The following SLC2A13 variants were observed in gnomAD, a reference collection of about 807,000 sequenced individuals.
SLC2A13 encodes the protein proton myo-inositol cotransporter.
In SLC2A13, 32 loss-of-function variants were observed where a neutral mutation model predicts 64.4. That is an observed-to-expected ratio of 0.50 (90% CI 0.37 to 0.67). The LOEUF is 0.67. SLC2A13 is among the 30% of genes least tolerant of loss of function. The pLI, the probability that SLC2A13 is intolerant of heterozygous loss-of-function variation, is 0.00. For synonymous variants in SLC2A13, 338 were observed against 327.1 expected, an observed-to-expected ratio of 1.03 and a Z score of -0.36; for missense variants, 743 against 829.2, an observed-to-expected ratio of 0.90 and a Z score of 1.28.
intron 3 of SLC2A13, among the ~76,000 whole-genome samples, chr12:40,003,010 T>C (rs1041634976): frequency 1.1e-4 from 16 of 152,222 alleles, no homozygotes; most frequent in Non-Finnish European, 1.9e-4. Context: ...CTAGGCGTAT[T>C]GGTCACTGGC....
At chr12:40,099,923 T>C (rs1939089945) in intron 1 of SLC2A13, among the ~76,000 whole-genome samples, 1 of 151,782 alleles carries the variant, frequency 6.6e-6, no homozygotes, top group African/African-American at 2.4e-5. Context: ...TTTGAGCACC[T>C]CCCCCCAAAA....
At chr12:39,912,678 A>C (rs1332034210) in intron 4 of SLC2A13, among the ~76,000 whole-genome samples, 1 of 152,070 alleles carries the variant, frequency 6.6e-6, no homozygotes, top group Non-Finnish European at 1.5e-5. Flanking sequence ...GAACCTGTTC[A>C]GTGCCATCCA....
At position 39,827,726 on chromosome 12, in the gene SLC2A13, T is replaced by C. The variant is rs184507862; in HGVS notation, c.1445+2377A>G. On this transcript the variant is annotated intron_variant, in intron 7 of 9. Coordinates refer to ENST00000280871, the MANE Select transcript of SLC2A13 (RefSeq NM_052885.4). ...TCATTGAAATTTAACAACATAGATA[T>C]AGAAAACCATACTGATGGACCTTTG... 3.0e-4 allele frequency among the ~76,000 whole-genome samples: 46 copies of C among 152,256 alleles called. No homozygotes were observed. In the East Asian group the frequency reaches 5.0e-3, roughly 17 times the overall value.
intron 1 of SLC2A13, among the ~76,000 whole-genome samples, chr12:40,074,267 G>T (rs1248463509): frequency 6.6e-6 from 1 of 151,602 alleles, no homozygotes; most frequent in Admixed American, 6.6e-5. Flanking sequence ...CTGAGCTCAA[G>T]GGATCCTCCC....
chr12:39,956,038 A>T (rs1946309203), intron 3 of SLC2A13, among the ~76,000 whole-genome samples: 1 of 152,226 alleles, frequency 6.6e-6, no homozygotes, highest in African/African-American at 2.4e-5. Context: ...AATGACCAAT[A>T]TCAGGAGTAA....
intron 1 of SLC2A13, among the ~76,000 whole-genome samples, chr12:40,065,055 T>G (rs1319782759): frequency 6.6e-6 from 1 of 152,170 alleles, no homozygotes; most frequent in Non-Finnish European, 1.5e-5. Context: ...AAAGTTATAC[T>G]TATCTTGAAA....
intron 3 of SLC2A13, among the ~76,000 whole-genome samples, chr12:39,982,486 A>G (rs1383788263): frequency 6.6e-6 from 1 of 151,638 alleles, no homozygotes; most frequent in African/African-American, 2.4e-5. Context: ...AAGTCTCAGG[A>G]TACAAAATCA....
chr12:40,070,558 T>C (rs1270409706), intron 1 of SLC2A13, among the ~76,000 whole-genome samples: 1 of 151,932 alleles, frequency 6.6e-6, no homozygotes, highest in Non-Finnish European at 1.5e-5. Context: ...CTATCCCCAA[T>C]CAACTCAATA....
intron 6 of SLC2A13, among the ~76,000 whole-genome samples, chr12:39,837,216 G>C (rs887871153): frequency 6.6e-5 from 10 of 150,688 alleles, no homozygotes; most frequent in Non-Finnish European, 1.5e-4. Context: ...CTTTGAGAAA[G>C]CTGAGAAAAA....
Position 39,764,490 on chromosome 12 carries a change from A to G in SLC2A13, c.1690T>C (p.Leu564=), listed in dbSNP as rs1463984951. The G allele has an allele frequency of 6.2e-7, 1 of 1,605,752 alleles. No individual in the cohort carries two copies. Among genetic ancestry groups the G allele is most frequent in the Non-Finnish European group, 8.5e-7 (1 of 1,177,602 alleles). The change falls in exon 9 of 10, where the codon TTA becomes CTA. Residue 564 remains leucine, a synonymous_variant. Transcript: ENST00000280871. ...TATGTAAGATACTCTGCTGTGTGTA[A>G]AAATGTTAGTGAAACCAGGACATTG... is the stretch of plus-strand genomic sequence containing the variant. ...IFNVLVSLTF[L]HTAEYLTYYG...
intron 5 of SLC2A13, among the ~76,000 whole-genome samples, chr12:39,868,217 T>C (rs533519696): frequency 6.6e-6 from 1 of 152,324 alleles, no homozygotes; most frequent in East Asian, 1.9e-4. Flanking sequence ...GTTCTTTATG[T>C]TTCAAGAGAA....
chr12:39,777,070 A>G (rs1425938499), intron 7 of SLC2A13, among the ~76,000 whole-genome samples: 1 of 152,202 alleles, frequency 6.6e-6, no homozygotes, highest in African/African-American at 2.4e-5. Flanking sequence ...ATTTTCTGGA[A>G]TTCCTTTTGG....
intron 4 of SLC2A13, among the ~76,000 whole-genome samples, chr12:39,887,822 T>A (rs1398607270): frequency 6.6e-6 from 1 of 152,240 alleles, no homozygotes; most frequent in Non-Finnish European, 1.5e-5. Context: ...TGTTTATTCT[T>A]GTCATTGAAT....
chr12:40,105,816 G>T lies in SLC2A13; in HGVS notation c.-8C>A. Reference sequence around the variant, plus strand: ...GCTTGCCTTGCGGGACATAGGGCAGGGGCCCGGGGCTGCCCGGGGGGACGC... The same window carrying T: ...GCTTGCCTTGCGGGACATAGGGCAGTGGCCCGGGGCTGCCCGGGGGGACGC... On this transcript the variant is annotated 5_prime_UTR_variant, in exon 1 of 10. Coordinates refer to ENST00000280871, the MANE Select transcript of SLC2A13 (RefSeq NM_052885.4). This position sits in a 1 kb window ranked among gnomAD's most constrained non-coding sequence, Gnocchi z 4.2. 6.9e-7 allele frequency: 1 copy of T among 1,441,192 alleles called. No homozygotes were observed. The highest frequency in any genetic ancestry group is 1.4e-5 in the South Asian group (1 of 69,714). The allele number at this position is 1,441,192 out of a possible 1,614,324, so 89.3% of individuals were successfully genotyped here. A position where few individuals can be genotyped will look rare whatever the true frequency, so the allele number is the denominator to read the frequency against.
At chr12:39,828,840 T>G (rs534995743) in intron 7 of SLC2A13, among the ~76,000 whole-genome samples, 3 of 152,288 alleles carry the variant, frequency 2.0e-5, no homozygotes, top group African/African-American at 7.2e-5. Context: ...AAACTGAGTA[T>G]TTTTAAAAGA....
intron 3 of SLC2A13, among the ~76,000 whole-genome samples, chr12:40,012,130 A>C (rs1247833445): frequency 1.3e-5 from 2 of 152,234 alleles, no homozygotes; most frequent in African/African-American, 4.8e-5. Context: ...ATACTTAGCA[A>C]GAAATATTGT....
intron 4 of SLC2A13, among the ~76,000 whole-genome samples, chr12:39,880,901 T>C (rs1037810915): frequency 7.9e-5 from 12 of 152,182 alleles, no homozygotes; most frequent in Admixed American, 1.3e-4. Flanking sequence ...ATTTGCCACA[T>C]TGACCTATTA....
chr12:40,068,864 TA>T (rs1937847948), intron 1 of SLC2A13, among the ~76,000 whole-genome samples: 1 of 148,532 alleles, frequency 6.7e-6, no homozygotes, highest in African/African-American at 2.5e-5. Flanking sequence ...TGATGAGAGG[TA>T]AAAACAGCAG....
chr12:39,840,480 GTCTCTACTTGCCATT>G (rs975268329), intron 6 of SLC2A13, among the ~76,000 whole-genome samples: 1 of 151,936 alleles, frequency 6.6e-6, no homozygotes, highest in African/African-American at 2.4e-5. Context: ...CATCTTGCCT[GTCTCTACTTGCCATT>G]TCTCCATAGG....
Sources: gnomAD v4.1 joint callset for allele counts (sites outside exome capture counted in the v4.1 genomes callset) on GRCh38, gnomAD v4.1.1 for gene constraint, Gnocchi (gnomAD v3.1) non-coding constraint, MANE v1.5 for transcripts, NCBI Gene and HGNC (gene_info 2026-07-23, HGNC 2026-07-21) for gene names.